Variants in CDH6 observed in about 807,000 individuals in gnomAD.
CDH6 encodes the protein cadherin 6.
Under a neutral mutation model 78.0 loss-of-function variants are expected in CDH6, and 31 were observed. The observed-to-expected ratio is 0.40, with a 90% CI of 0.30 to 0.54. The LOEUF is 0.54. Among genes scored for constraint, CDH6 ranks in the 20% least tolerant of loss-of-function variants. The pLI is 0.56. For missense variants in CDH6, 724 were observed against 975.9 expected, an observed-to-expected ratio of 0.74 and a Z score of 3.44; for synonymous variants, 376 against 368.8, an observed-to-expected ratio of 1.02 and a Z score of -0.23.
At chr5:31,301,331 T>G (rs1037939155) in intron 5 of CDH6, among the ~76,000 whole-genome samples, 1 of 152,214 alleles carries the variant, frequency 6.6e-6, no homozygotes, top group Non-Finnish European at 1.5e-5. Flanking sequence ...AGAATAAGCC[T>G]TGGTTTTACT....
intron 1 of CDH6, among the ~76,000 whole-genome samples, chr5:31,237,275 T>C (rs537886295): frequency 9.9e-5 from 15 of 152,144 alleles, no homozygotes; most frequent in Non-Finnish European, 2.2e-4. Flanking sequence ...TCAAGGGCAT[T>C]GCACGAGGTA....
At chr5:31,306,592 C>G (rs1485544233) in intron 7 of CDH6, among the ~76,000 whole-genome samples, 1 of 152,112 alleles carries the variant, frequency 6.6e-6, no homozygotes. Context: ...ACCAGAATAG[C>G]ATTGTGTCAA....
intron 1 of CDH6, among the ~76,000 whole-genome samples, chr5:31,230,895 ATCTT>A (rs1344243412): frequency 2.0e-5 from 3 of 152,222 alleles, no homozygotes; most frequent in Non-Finnish European, 4.4e-5. Flanking sequence ...ATTAGTGTGA[ATCTT>A]TATGCAAAAT....
chr5:31,216,547 T>C (rs1439671077), intron 1 of CDH6, among the ~76,000 whole-genome samples: 1 of 151,990 alleles, frequency 6.6e-6, no homozygotes, highest in Non-Finnish European at 1.5e-5. Flanking sequence ...CATAGTCAAA[T>C]AGTTGCAACA....
chr5:31,224,165 G>A (rs1237528057), intron 1 of CDH6, among the ~76,000 whole-genome samples: 1 of 152,216 alleles, frequency 6.6e-6, no homozygotes, highest in East Asian at 1.9e-4. Context: ...AATCATGGCT[G>A]AAGCAAGGAA....
intron 11 of CDH6, among the ~76,000 whole-genome samples, chr5:31,321,824 A>G (rs1279716460): frequency 1.3e-5 from 2 of 152,178 alleles, no homozygotes; most frequent in Non-Finnish European, 2.9e-5. Flanking sequence ...CTCTGCACAA[A>G]CCCAGTTTAA....
intron 10 of CDH6, 36 bp downstream of exon 10, chr5:31,317,528 C>T: frequency 1.3e-6 from 2 of 1,517,098 alleles, no homozygotes; most frequent in South Asian, 2.3e-5. Context: ...TATCTATCTC[C>T]ATCTATATCC....
At chr5:31,319,352 G>C (rs1431530449) in intron 11 of CDH6, among the ~76,000 whole-genome samples, 1 of 152,092 alleles carries the variant, frequency 6.6e-6, no homozygotes, top group Non-Finnish European at 1.5e-5. Flanking sequence ...TTGGAATTCT[G>C]TACCTAATAA....
At position 31,317,890 on chromosome 5, in the gene CDH6, G is replaced by C. The variant is rs537490539; in HGVS notation, c.1848G>C (p.Leu616=). The C allele has an allele frequency of 6.2e-7, 1 of 1,613,878 alleles. No homozygotes were observed. Among genetic ancestry groups the C allele is most frequent in the African/African-American group, 1.3e-5 (1 of 75,058 alleles). ...CCACGGGACTGAGCACGGGGGCTCT[G>C]GTTGCCATCCTTCTGTGCATCGTGA... ...IHPTGLSTGA[L]VAILLCIVIL... Residue 616 remains leucine, a synonymous_variant, in exon 11 of 12, where the codon CTG becomes CTC. Transcript: ENST00000265071.
chr5:31,241,716 T>C (rs543277759), intron 1 of CDH6, among the ~76,000 whole-genome samples: 49 of 152,198 alleles, frequency 3.2e-4, no homozygotes, highest in Admixed American at 6.5e-5. Context: ...GAAGATTGCA[T>C]GGGAAGTTTT....
rs201684108 is a variant in CDH6 at position 31,293,835 on chromosome 5, A to AATT, written c.229-126_229-125insTTA. Reference sequence around the variant, plus strand: ...TTAAGAGGTTACGTAAATAGTAAAAAAAAAAAAACTTGTATTCCTTAGAAA... The same window carrying AATT: ...TTAAGAGGTTACGTAAATAGTAAAAAATTAAAAAAAACTTGTATTCCTTAGAAA... On this transcript the variant is annotated intron_variant, in intron 2 of 11. Coordinates refer to ENST00000265071, the MANE Select transcript of CDH6 (RefSeq NM_004932.4). 213 of 562,976 alleles carry AATT rather than the reference A, an allele frequency of 3.8e-4. 1 individual carries two copies. The African/African-American group carries it at 4.2e-3, about 11-fold the overall frequency. The allele number at this position is 562,976 out of a possible 1,614,324, so 34.9% of individuals were successfully genotyped here.
intron 1 of CDH6, among the ~76,000 whole-genome samples, chr5:31,265,558 CT>C (rs2149932392): frequency 6.6e-6 from 1 of 152,146 alleles, no homozygotes; most frequent in South Asian, 2.1e-4. Flanking sequence ...AAACAAAAAC[CT>C]TGTCACATAT....
intron 11 of CDH6, among the ~76,000 whole-genome samples, chr5:31,320,166 A>G (rs1053775409): frequency 6.6e-6 from 1 of 152,184 alleles, no homozygotes; most frequent in Admixed American, 6.5e-5. Context: ...CTTAGCAATC[A>G]CATTTTCACT....
At chr5:31,283,092 G>A (rs893098821) in intron 2 of CDH6, among the ~76,000 whole-genome samples, 1 of 152,146 alleles carries the variant, frequency 6.6e-6, no homozygotes, top group South Asian at 2.1e-4. Flanking sequence ...GACCCCAGGG[G>A]ACATTTGGAA....
intron 1 of CDH6, among the ~76,000 whole-genome samples, chr5:31,225,925 A>G (rs1339739466): frequency 3.3e-5 from 5 of 152,194 alleles, no homozygotes; most frequent in African/African-American, 1.2e-4. Context: ...GCTGGTAAGT[A>G]AATGAACCAG....
intron 1 of CDH6, among the ~76,000 whole-genome samples, chr5:31,262,025 C>T (rs532825475): frequency 6.6e-6 from 1 of 152,224 alleles, no homozygotes; most frequent in African/African-American, 2.4e-5. Context: ...TCTATATATC[C>T]CTATGAAATA....
rs556208853 is a variant in CDH6 at position 31,225,649 on chromosome 5, CACTA to C, written c.-129+31767_-129+31770del. 2.6e-3 allele frequency among the ~76,000 whole-genome samples: 394 copies of C among 152,192 alleles called. 1 individual carries two copies. Among genetic ancestry groups the C allele is most frequent in the African/African-American group, 9.1e-3 (378 of 41,510 alleles). ...TAAACAGCCAGATTGTGTGAGAACT[CACTA>C]ACTGTCATGAGAACAGCAAGAGGGA... On this transcript the variant is annotated intron_variant, in intron 1 of 11. Transcript: ENST00000265071.
At chr5:31,268,868 A>C (rs1742438292) in intron 2 of CDH6, among the ~76,000 whole-genome samples, 1 of 152,208 alleles carries the variant, frequency 6.6e-6, no homozygotes, top group Non-Finnish European at 1.5e-5. Context: ...TGATGTAACC[A>C]GGAAGTATTC....
At chr5:31,205,618 A>T (rs1180719557) in intron 1 of CDH6, among the ~76,000 whole-genome samples, 1 of 152,228 alleles carries the variant, frequency 6.6e-6, no homozygotes, top group Non-Finnish European at 1.5e-5. Context: ...ATTCATACCT[A>T]AACTAAACAA....
Sources: gnomAD v4.1 joint callset for allele counts (sites outside exome capture counted in the v4.1 genomes callset) on GRCh38, gnomAD v4.1.1 for gene constraint, MANE v1.5 for transcripts, NCBI Gene and HGNC (gene_info 2026-07-23, HGNC 2026-07-21) for gene names.